The following MIB1 variants were observed in gnomAD, a reference collection of about 807,000 sequenced individuals.
MIB1 encodes E3 ubiquitin-protein ligase MIB1.
A neutral mutation model predicts 124.5 loss-of-function variants in MIB1; 278 were observed. The ratio of observed to expected loss-of-function variants is 2.23; its 90% CI spans 2.02 to 2.47. The LOEUF (loss-of-function observed/expected upper bound fraction) is 2.47, where lower values mean the gene tolerates loss of function less well. MIB1 is among the 30% of genes most tolerant of loss of function. The pLI is 0.00. For missense variants in MIB1, 957 were observed against 1,254.4 expected, an observed-to-expected ratio of 0.76 and a Z score of 3.58; for synonymous variants, 446 against 429.4, an observed-to-expected ratio of 1.04 and a Z score of -0.48.
intron 13 of MIB1, among the ~76,000 whole-genome samples, chr18:21,842,536 C>G (rs888339582): frequency 6.6e-6 from 1 of 152,134 alleles, no homozygotes; most frequent in Non-Finnish European, 1.5e-5. Flanking sequence ...CAGTCTCTTT[C>G]TTCATTAGGG....
Position 21,784,338 on chromosome 18 carries a change from C to T in MIB1, c.908+4653C>T, listed in dbSNP as rs151099584. Among the ~76,000 whole-genome samples the T allele has an allele frequency of 1.7e-3, 264 of 152,188 alleles. 4 individuals are homozygous for T. The highest frequency in any genetic ancestry group is 5.9e-3 in the African/African-American group (247 of 41,530). On this transcript the variant is annotated intron_variant, in intron 6 of 20. Transcript: ENST00000261537. Reference sequence around the variant, plus strand: ...CTGGGATTACAGGTGTGAGCCACCGCGCCCAGCCCTGTGTTGCTTATTTTC... The same window carrying T: ...CTGGGATTACAGGTGTGAGCCACCGTGCCCAGCCCTGTGTTGCTTATTTTC...
intron 6 of MIB1, among the ~76,000 whole-genome samples, chr18:21,784,004 C>T (rs2041403147): frequency 6.7e-6 from 1 of 150,176 alleles, no homozygotes; most frequent in South Asian, 2.1e-4. Flanking sequence ...CACCCTCCCA[C>T]AATATTGGGG....
Position 21,834,532 on chromosome 18 carries a change from C to G in MIB1, c.1830-3833C>G, listed in dbSNP as rs568538964. ...ACTTCAGCCAGATGATCAAGGTTAA[C>G]TTCTAGAGTCATATGGCATGTTGAT... On this transcript the variant is annotated intron_variant, in intron 12 of 20. Transcript: ENST00000261537. 2.6e-5 allele frequency among the ~76,000 whole-genome samples: 4 copies of G among 152,258 alleles called. No homozygotes were observed. The South Asian group carries it at 8.3e-4, about 32-fold the overall frequency.
chr18:21,797,545 C>T (rs2041597394), intron 7 of MIB1, among the ~76,000 whole-genome samples: 1 of 151,680 alleles, frequency 6.6e-6, no homozygotes, highest in Admixed American at 6.6e-5. Context: ...AGAGTGAAAA[C>T]CTATGGAATA....
chr18:21,805,902 T>TTC (rs2041699886), intron 10 of MIB1, among the ~76,000 whole-genome samples: 1 of 141,514 alleles, frequency 7.1e-6, no homozygotes, highest in Non-Finnish European at 1.5e-5. Context: ...TTTCTTTCCT[T>TTC]TTTTTTTTTT....
chr18:21,719,200 A>C (rs1170031418), intron 1 of MIB1, among the ~76,000 whole-genome samples: 1 of 151,842 alleles, frequency 6.6e-6, no homozygotes. Flanking sequence ...AAAAAAAAAA[A>C]AAAATTTAGC....
At chr18:21,859,571 A>T (rs1455020933) in intron 20 of MIB1, among the ~76,000 whole-genome samples, 2 of 151,930 alleles carry the variant, frequency 1.3e-5, no homozygotes, top group East Asian at 3.9e-4. Context: ...TGAGTCATGA[A>T]CATTTCTATA....
At chr18:21,748,541 C>G (rs951653718) in intron 1 of MIB1, among the ~76,000 whole-genome samples, 1 of 151,506 alleles carries the variant, frequency 6.6e-6, no homozygotes, top group Admixed American at 6.6e-5. Flanking sequence ...GCCATCTTCC[C>G]ACCTCAGCCT....
At chr18:21,849,525 T>C (rs1745024855) in intron 17 of MIB1, 137 bp downstream of exon 17, 1 of 458,412 alleles carries the variant, frequency 2.2e-6, no homozygotes, top group South Asian at 6.3e-5. Flanking sequence ...GAATATATAA[T>C]TTCTGCATTT....
chr18:21,791,638 A>G, intron 7 of MIB1, 81 bp downstream of exon 7: 3 of 1,170,152 alleles, frequency 2.6e-6, no homozygotes, highest in Non-Finnish European at 3.6e-6. Flanking sequence ...TGTAGAAATT[A>G]AATTGGCATA....
chr18:21,791,083 A>G (rs2041496888), intron 6 of MIB1, among the ~76,000 whole-genome samples: 2 of 152,062 alleles, frequency 1.3e-5, no homozygotes, highest in South Asian at 4.1e-4. Flanking sequence ...ATGCGCCTGT[A>G]ATCCCAGCTA....
In MIB1 at chr18:21,846,031, A is replaced by G. The variant is rs1477106648; in HGVS notation, c.2212-913A>G. On this transcript the variant is annotated intron_variant, in intron 15 of 20. Coordinates refer to ENST00000261537, the MANE Select transcript of MIB1 (RefSeq NM_020774.4). ...ATCATGTATTCTGTTCTGTTGGTCTATGTTTTTAGCTATTTGATACCAGCC... is the reference window on the plus strand; with the variant it reads ...ATCATGTATTCTGTTCTGTTGGTCTGTGTTTTTAGCTATTTGATACCAGCC... Among the ~76,000 whole-genome samples, 5 of 152,168 alleles carry G rather than the reference A, an allele frequency of 3.3e-5. No homozygotes were observed. The East Asian group carries it at 9.6e-4, about 29-fold the overall frequency.
At chr18:21,775,451 A>G (rs1453316504) in intron 4 of MIB1, among the ~76,000 whole-genome samples, 1 of 152,130 alleles carries the variant, frequency 6.6e-6, no homozygotes, top group East Asian at 1.9e-4. Context: ...TATATTGTCC[A>G]CACTGGTTTT....
chr18:21,765,524 GGAAA>G (rs1381224227), intron 1 of MIB1, among the ~76,000 whole-genome samples: 5 of 152,160 alleles, frequency 3.3e-5, no homozygotes, highest in African/African-American at 9.7e-5. Context: ...ATGAGAGCGA[GGAAA>G]GAGTTACTGA....
intron 18 of MIB1, chr18:21,854,687 G>A (rs1456632028): frequency 1.0e-5 from 2 of 193,850 alleles, no homozygotes; most frequent in African/African-American, 2.5e-5. Flanking sequence ...ACATTTTCAC[G>A]ACGACATTCT....
chr18:21,814,690 C>A (rs1351812104), intron 10 of MIB1, among the ~76,000 whole-genome samples: 1 of 151,948 alleles, frequency 6.6e-6, no homozygotes. Flanking sequence ...TCTCCTCCCT[C>A]AGCCTCCCGG....
At chr18:21,787,234 G>A (rs2146437294) in intron 6 of MIB1, among the ~76,000 whole-genome samples, 1 of 152,250 alleles carries the variant, frequency 6.6e-6, no homozygotes, top group African/African-American at 2.4e-5. Flanking sequence ...GGAAGGAGTG[G>A]GGGTGGATCC....
chr18:21,773,749 G>A (rs2041249392), intron 4 of MIB1, 21 bp downstream of exon 4: 14 of 1,481,486 alleles, frequency 9.4e-6, no homozygotes, highest in Non-Finnish European at 1.3e-5. Flanking sequence ...AAGAGCCATA[G>A]CAGGTGAAAG....
chr18:21,750,824 A>G (rs2040966584), intron 1 of MIB1, among the ~76,000 whole-genome samples: 1 of 152,172 alleles, frequency 6.6e-6, no homozygotes, highest in South Asian at 2.1e-4. Flanking sequence ...ATTTTCAGGA[A>G]AATTAGTCCC....
Sources: gnomAD v4.1 joint callset for allele counts (sites outside exome capture counted in the v4.1 genomes callset) on GRCh38, gnomAD v4.1.1 for gene constraint, MANE v1.5 for transcripts, NCBI Gene and HGNC (gene_info 2026-07-23, HGNC 2026-07-21) for gene names.